The following PALD1 variants were observed in gnomAD, a reference collection of about 807,000 sequenced individuals.
PALD1 encodes the protein phosphatase domain containing paladin 1, also known as paladin.
PALD1 carries 57 observed loss-of-function variants against 96.0 expected under a neutral mutation model. That is an observed-to-expected ratio of 0.59 (90% CI 0.48 to 0.74). The LOEUF is 0.74. Among genes scored for constraint, PALD1 ranks in the 30% least tolerant of loss-of-function variants. The pLI is 0.00. For synonymous variants in PALD1, 464 were observed against 473.6 expected, an observed-to-expected ratio of 0.98 and a Z score of 0.26; for missense variants, 1,063 against 1,143.7, an observed-to-expected ratio of 0.93 and a Z score of 1.02.
chr10:70,460,972 T>C, the PALD1 span, among the ~76,000 whole-genome samples: 1 of 152,180 alleles, frequency 6.6e-6, no homozygotes, highest in South Asian at 2.1e-4. Flanking sequence ...GGAGAATCAC[T>C]TGAACCCAAG....
chr10:70,536,913 T>C (rs1215296247), intron 10 of PALD1, among the ~76,000 whole-genome samples: 2 of 152,140 alleles, frequency 1.3e-5, no homozygotes, highest in African/African-American at 4.8e-5. Context: ...CAACCCCCCA[T>C]GCAGAGGAAG....
rs77885823 is a variant in PALD1, at chr10:70,489,672, A to G, written c.-30+10613A>G. Among the ~76,000 whole-genome samples, 649 of 152,276 alleles carry G rather than the reference A, an allele frequency of 4.3e-3. 5 individuals are homozygous for G. The highest frequency in any genetic ancestry group is 0.014 in the East Asian group (73 of 5,180). ...ACGTGGACTTCCAATTCACAGCCCT[A>G]TTGAGATCTAATTCACATGCTGTAC... On this transcript the variant is annotated intron_variant, in intron 1 of 19. Transcript: ENST00000263563.
chr10:70,476,076 C>G (rs1845818540), upstream of PALD1, among the ~76,000 whole-genome samples: 1 of 152,140 alleles, frequency 6.6e-6, no homozygotes, highest in South Asian at 2.1e-4. Flanking sequence ...GATGTGGGTG[C>G]TGGCAGTGCT....
At chr10:70,543,756 C>T (rs1847302957) in intron 17 of PALD1, among the ~76,000 whole-genome samples, 1 of 152,152 alleles carries the variant, frequency 6.6e-6, no homozygotes, top group Non-Finnish European at 1.5e-5. Flanking sequence ...ATGTGATGGT[C>T]AGGCCTCTCC....
Position 70,534,842 on chromosome 10 carries a change from A to C in PALD1, c.1226A>C (p.Gln409Pro). The change falls in exon 10 of 20, where the codon CAG (glutamine) becomes CCG (proline). Residue 409 changes from glutamine (Q) to proline (P), a missense_variant and splice_region_variant. Gln to Pro is a moderately conservative substitution (Grantham distance 76). Coordinates refer to ENST00000263563, the MANE Select transcript of PALD1 (RefSeq NM_014431.3). ...GGTATCCGACCGGAGAGCCCAGCCCAGGTGAGGCATGGAAGGACGTGTGAG... is the reference window on the plus strand; with the variant it reads ...GGTATCCGACCGGAGAGCCCAGCCCCGGTGAGGCATGGAAGGACGTGTGAG... ...LEGIRPESPA[Q>P]GSGSRHSVWQ... 6.2e-7 allele frequency: 1 copy of C among 1,602,776 alleles called. No homozygotes were observed. The highest frequency in any genetic ancestry group is 1.1e-5 in the South Asian group (1 of 90,042).
intron 8 of PALD1, 149 bp downstream of exon 8, chr10:70,534,222 G>T: frequency 1.9e-6 from 2 of 1,028,788 alleles, no homozygotes; most frequent in South Asian, 3.4e-5. Flanking sequence ...CACGAGACTT[G>T]CTGGGAGACC....
chr10:70,510,127 G>T (rs1038178783), intron 1 of PALD1, among the ~76,000 whole-genome samples: 7 of 152,120 alleles, frequency 4.6e-5, no homozygotes. Flanking sequence ...GTGCCTAAGG[G>T]GGTACTTGAG....
chr10:70,502,662 C>T (rs1488071886), intron 1 of PALD1, among the ~76,000 whole-genome samples: 3 of 152,048 alleles, frequency 2.0e-5, no homozygotes, highest in Non-Finnish European at 4.4e-5. Context: ...GCAAAAGAAG[C>T]CAATGTAAGC....
At chr10:70,544,705 C>T (rs1199644096) in intron 17 of PALD1, among the ~76,000 whole-genome samples, 2 of 152,154 alleles carry the variant, frequency 1.3e-5, no homozygotes, top group African/African-American at 4.8e-5. Context: ...TGAAGAGCTG[C>T]AGCCCTCTGT....
chr10:70,540,669 T>A lies in PALD1; in HGVS notation c.1909-433T>A, dbSNP rs1847223900. Among the ~76,000 whole-genome samples, 1 of 152,122 alleles carries A rather than the reference T, an allele frequency of 6.6e-6. No homozygotes were observed. Among genetic ancestry groups the A allele is most frequent in the South Asian group, 2.1e-4 (1 of 4,828 alleles). ...CTGCCTGCGGTCTGCTGCCTCCTGG[T>A]GGCCTTGTGCTGCAGGGCTCTTCTG... On this transcript the variant is annotated intron_variant, in intron 15 of 19. Coordinates refer to ENST00000263563, the MANE Select transcript of PALD1 (RefSeq NM_014431.3). This position sits in a 1 kb window ranked among gnomAD's most constrained non-coding sequence, Gnocchi z 4.2.
At chr10:70,501,598 G>C (rs1846294765) in intron 1 of PALD1, among the ~76,000 whole-genome samples, 1 of 152,226 alleles carries the variant, frequency 6.6e-6, no homozygotes, top group Non-Finnish European at 1.5e-5. Context: ...GGGCTGTGAA[G>C]CTGTTGCAGA....
At chr10:70,463,249 A>T in the PALD1 span, among the ~76,000 whole-genome samples, 2,973 of 152,202 alleles carry the variant, frequency 0.02, 57 homozygotes, top group Non-Finnish European at 0.026. Context: ...CTAAAAATGC[A>T]AAAAATTAGC....
At chr10:70,544,399 C>T (rs971804190) in intron 17 of PALD1, among the ~76,000 whole-genome samples, 4 of 152,028 alleles carry the variant, frequency 2.6e-5, no homozygotes, top group African/African-American at 4.8e-5. Flanking sequence ...TGACCTTGAC[C>T]GTGAGGCCAG....
chr10:70,503,782 A>G (rs1846338671), intron 1 of PALD1, among the ~76,000 whole-genome samples: 1 of 152,142 alleles, frequency 6.6e-6, no homozygotes, highest in Admixed American at 6.5e-5. Context: ...GTCCACTTTA[A>G]CTTTTATGTG....
In PALD1 at chr10:70,529,933, G is replaced by C. The variant is rs775511613; in HGVS notation, c.333G>C (p.Val111=). 3.1e-6 allele frequency: 5 copies of C among 1,613,830 alleles called. No homozygotes were observed. The African/African-American group carries it at 5.3e-5, about 17-fold the overall frequency. Residue 111 remains valine, a synonymous_variant, in exon 4 of 20, where the codon GTG becomes GTC. Transcript: ENST00000263563. ...LVRDVTEKMD[V]LGTVGSCGAP... is the part of the protein sequence containing the mutation. Reference sequence around the variant, plus strand: ...GGGATGTCACTGAGAAGATGGATGTGCTGGGCACCGTGGGAAGCTGTGGGG... The same window carrying C: ...GGGATGTCACTGAGAAGATGGATGTCCTGGGCACCGTGGGAAGCTGTGGGG...
intron 1 of PALD1, among the ~76,000 whole-genome samples, chr10:70,495,719 G>A (rs937570528): frequency 5.3e-5 from 8 of 151,868 alleles, no homozygotes; most frequent in African/African-American, 1.9e-4. Context: ...AAAAACATCT[G>A]GCAGGCCGGG....
At chr10:70,485,119 C>A (rs1357433208) in intron 1 of PALD1, among the ~76,000 whole-genome samples, 1 of 151,862 alleles carries the variant, frequency 6.6e-6, no homozygotes, top group Non-Finnish European at 1.5e-5. Flanking sequence ...GTTTTTGAAA[C>A]AAGATTACAG....
chr10:70,565,643 C>G (rs1847830793), intron 19 of PALD1, among the ~76,000 whole-genome samples: 1 of 152,092 alleles, frequency 6.6e-6, no homozygotes, highest in African/African-American at 2.4e-5. Context: ...CTTGGGACGT[C>G]AGGTGGAGAA....
rs750480117 is a variant in PALD1, at chr10:70,529,222, C to G, written c.186-7C>G. On this transcript the variant is annotated splice_region_variant and splice_polypyrimidine_tract_variant and intron_variant, in intron 2 of 19. Transcript: ENST00000263563. ...GTTTCCATTCTGCCCCCCCCCCCCC[C>G]CCCCAGGTACAACTGCAAGGAGGAG... The G allele has an allele frequency of 1.6e-3, 656 of 406,750 alleles. 68 individuals carry two copies. Among genetic ancestry groups the G allele is most frequent in the Non-Finnish European group, 2.3e-3 (545 of 233,990 alleles). The allele number at this position is 406,750 out of a possible 1,614,324, so 25.2% of individuals were successfully genotyped here.
Sources: gnomAD v4.1 joint callset for allele counts (sites outside exome capture counted in the v4.1 genomes callset) on GRCh38, gnomAD v4.1.1 for gene constraint, Gnocchi (gnomAD v3.1) non-coding constraint, MANE v1.5 for transcripts, NCBI Gene and HGNC (gene_info 2026-07-23, HGNC 2026-07-21) for gene names.